The following LRCH3 variants were observed in gnomAD, a reference collection of about 807,000 sequenced individuals.
LRCH3 encodes DISP complex protein LRCH3.
A neutral mutation model predicts 104.5 loss-of-function variants in LRCH3; 68 were observed. The ratio of observed to expected loss-of-function variants is 0.65; its 90% CI spans 0.54 to 0.80. The LOEUF (loss-of-function observed/expected upper bound fraction) is 0.80. Ranked by LOEUF, LRCH3 falls within the 30% of genes least tolerant of loss-of-function variation. LRCH3 has a pLI of 0.00. For synonymous variants in LRCH3, 344 were observed against 361.3 expected (o/e 0.95, Z 0.54); for missense variants, 951 against 953.9 (o/e 1.00, Z 0.04).
chr3:197,842,034 T>C (rs1410043384), intron 10 of LRCH3, among the ~76,000 whole-genome samples: 1 of 152,080 alleles, frequency 6.6e-6, no homozygotes, highest in Admixed American at 6.6e-5. Context: ...GAAATCTCCC[T>C]ATGTTGCCCA....
At chr3:197,799,832 C>T (rs764602889) in intron 1 of LRCH3, among the ~76,000 whole-genome samples, 1 of 151,418 alleles carries the variant, frequency 6.6e-6, no homozygotes, top group African/African-American at 2.4e-5. Flanking sequence ...GAGATCACGT[C>T]ACTGCACTCC....
At chr3:197,826,742 C>T in intron 4 of LRCH3, 136 bp from the exon 5 acceptor site, 1 of 1,094,734 alleles carries the variant, frequency 9.1e-7, no homozygotes, top group Non-Finnish European at 1.3e-6. Context: ...ATTTTTACCA[C>T]TTTGCTACCA....
intron 1 of LRCH3, among the ~76,000 whole-genome samples, chr3:197,803,730 G>A (rs1732151786): frequency 6.6e-6 from 1 of 151,966 alleles, no homozygotes; most frequent in Non-Finnish European, 1.5e-5. Flanking sequence ...TTTCACATCT[G>A]GTTCTATGGC....
Position 197,884,089 on chromosome 3 carries a change from T to C in LRCH3, c.*423T>C, listed in dbSNP as rs1456974405. The C allele has an allele frequency of 6.3e-6, 1 of 158,328 alleles. No homozygotes were observed. The highest frequency in any genetic ancestry group is 1.9e-4 in the East Asian group (1 of 5,398). The allele number at this position is 158,328 out of a possible 1,614,324, so 9.8% of individuals were successfully genotyped here. ...GACTCTCCTGGAGTATTTGTTAAAA[T>C]ACAGATTCACATTCAGTAGAGCTGG... On this transcript the variant is annotated 3_prime_UTR_variant, in exon 21 of 21. Coordinates refer to ENST00000425562, the MANE Select transcript of LRCH3 (RefSeq NM_001365715.1).
At position 197,880,728 on chromosome 3, in the gene LRCH3, C is replaced by G; in HGVS notation, c.2209-2813C>G. 1.3e-6 allele frequency: 2 copies of G among 1,536,606 alleles called. 1 individual carries two copies. The highest frequency in any genetic ancestry group is 2.4e-5 in the South Asian group (2 of 84,054). The stretch of plus-strand genomic sequence containing the variant: ...CCCCGCTCGCTGAAAGATTGCACTC[C>G]GGTGACTTTCTGCCTCATTCCTGTG... On this transcript the variant is annotated intron_variant, in intron 20 of 20. Coordinates refer to ENST00000425562, the MANE Select transcript of LRCH3 (RefSeq NM_001365715.1).
rs374766262 is a variant in LRCH3 at position 197,865,513 on chromosome 3, A to G, written c.1765+42A>G. Reference sequence around the variant, plus strand: ...TGCAATTAACCACATCAAGATTATAATTCTTTATTTTTTTATTTAAAAAAT... The same window carrying G: ...TGCAATTAACCACATCAAGATTATAGTTCTTTATTTTTTTATTTAAAAAAT... On this transcript the variant is annotated intron_variant, in intron 16 of 20. Coordinates refer to ENST00000425562, the MANE Select transcript of LRCH3 (RefSeq NM_001365715.1). 2.8e-5 allele frequency: 35 copies of G among 1,243,166 alleles called. No homozygotes were observed. The African/African-American group carries it at 5.3e-4, about 19-fold the overall frequency. 77.0% of individuals were successfully genotyped at this position (1,243,166 alleles called of 1,614,324 possible).
At chr3:197,812,895 G>T (rs1039854273) in intron 1 of LRCH3, among the ~76,000 whole-genome samples, 2 of 152,112 alleles carry the variant, frequency 1.3e-5, no homozygotes, top group Middle Eastern at 3.2e-3. Flanking sequence ...AAGTGGAATT[G>T]TTGGATTGTA....
At chr3:197,869,256 A>C (rs1295079024) in intron 17 of LRCH3, among the ~76,000 whole-genome samples, 2 of 152,030 alleles carry the variant, frequency 1.3e-5, no homozygotes, top group African/African-American at 4.8e-5. Flanking sequence ...AAAGCGATAC[A>C]CTGTACCTGC....
intron 20 of LRCH3, chr3:197,880,770 T>C: frequency 2.6e-6 from 4 of 1,533,290 alleles, no homozygotes; most frequent in Non-Finnish European, 3.5e-6. Context: ...AAAGGAGGTT[T>C]GTTTCTCATC....
chr3:197,797,689 C>T (rs1366211933), intron 1 of LRCH3, among the ~76,000 whole-genome samples: 1 of 151,766 alleles, frequency 6.6e-6, no homozygotes, highest in African/African-American at 2.4e-5. Flanking sequence ...GGTGAAACCC[C>T]GTCTCTACTA....
rs747167526 is a variant in LRCH3 at position 197,817,221 on chromosome 3, A to G, written c.453A>G (p.Pro151=). 1.7e-5 allele frequency: 27 copies of G among 1,610,230 alleles called. No individual in the cohort carries two copies. Among genetic ancestry groups the G allele is most frequent in the Admixed American group, 3.4e-5 (2 of 59,392 alleles). The part of the protein sequence containing the change: ...STLPVHLCNL[P]LKVLIASNNK... ...TGCCGGTACACTTGTGTAATTTGCC[A>G]TTGAAAGTCTTAATTGCTAGTAATA... The change falls in exon 3 of 21, where the codon CCA becomes CCG. Residue 151 remains proline, a synonymous_variant. Transcript: ENST00000425562.
chr3:197,824,071 C>CT (rs753577276), intron 4 of LRCH3, among the ~76,000 whole-genome samples: 2,567 of 146,368 alleles, frequency 0.018, 56 homozygotes, highest in African/African-American at 0.056. Flanking sequence ...ATGTTTTTTT[C>CT]TTTTTTTTTT....
At chr3:197,845,812 G>A (rs1245020507) in intron 10 of LRCH3, among the ~76,000 whole-genome samples, 1 of 152,192 alleles carries the variant, frequency 6.6e-6, no homozygotes, top group Non-Finnish European at 1.5e-5. Flanking sequence ...GGCTGACGCA[G>A]AAGAATCTCT....
In LRCH3 at chr3:197,871,608, G is replaced by C. The variant is rs528680491; in HGVS notation, c.2130+146G>C. Reference sequence around the variant, plus strand: ...TACCTTCCTGGTCTCACTTCTACTCGAGAAGAAATAGACATGTATACAGCT... The same window carrying C: ...TACCTTCCTGGTCTCACTTCTACTCCAGAAGAAATAGACATGTATACAGCT... On this transcript the variant is annotated intron_variant, in intron 19 of 20. Transcript: ENST00000425562. 2.1e-4 allele frequency: 231 copies of C among 1,078,620 alleles called. 3 individuals carry two copies. The South Asian group carries it at 3.7e-3, about 17-fold the overall frequency. The allele number at this position is 1,078,620 out of a possible 1,614,324, so 66.8% of individuals were successfully genotyped here.
chr3:197,791,293 C>A lies in LRCH3; in HGVS notation c.15C>A (p.Gly5=). 6.2e-7 allele frequency: 1 copy of A among 1,608,762 alleles called. No homozygotes were observed. The highest frequency in any genetic ancestry group is 8.5e-7 in the Non-Finnish European group (1 of 1,178,706). The part of the protein sequence containing the change: MAAA[G]LVAVAAAAEY... ...TCGGCTGGGAAATGGCGGCCGCGGG[C>A]TTGGTCGCTGTGGCAGCGGCTGCCG... The change falls in exon 1 of 21, where the codon GGC becomes GGA. Residue 5 remains glycine (G), a synonymous_variant. Transcript: ENST00000425562.
intron 1 of LRCH3, among the ~76,000 whole-genome samples, chr3:197,808,910 A>AG (rs397830700): frequency 6.7e-6 from 1 of 150,274 alleles, no homozygotes; most frequent in African/African-American, 2.4e-5. Context: ...AGAAAAAAAA[A>AG]GGATGATGTT....
rs1395113477 is a variant in LRCH3 at position 197,887,694 on chromosome 3, G to A, written c.*4028G>A. On this transcript the variant is annotated 3_prime_UTR_variant, in exon 21 of 21. Transcript: ENST00000425562. The stretch of plus-strand genomic sequence containing the variant: ...TCACTGACAGTGTTGGGGGCTGAGA[G>A]CCCCCCAGCAGAGCCCTTCCCATCA... The A allele has an allele frequency of 1.0e-5, 1 of 97,232 alleles. No individual in the cohort carries two copies. Among genetic ancestry groups the A allele is most frequent in the Non-Finnish European group, 2.0e-5 (1 of 50,786 alleles). 6.0% of individuals were successfully genotyped at this position (97,232 alleles called of 1,614,324 possible).
At chr3:197,881,196 G>A (rs545970889) in intron 20 of LRCH3, 76 of 1,005,518 alleles carry the variant, frequency 7.6e-5, no homozygotes, top group Middle Eastern at 5.1e-4. Context: ...GGCCGCACCC[G>A]GTTACTTAGA....
chr3:197,838,232 C>T (rs114148278), intron 9 of LRCH3, among the ~76,000 whole-genome samples: 209 of 152,312 alleles, frequency 1.4e-3, no homozygotes, highest in Admixed American at 3.2e-3. Context: ...CCGGCCTGGG[C>T]CACATAGCGA....
Sources: gnomAD v4.1 joint callset for allele counts (sites outside exome capture counted in the v4.1 genomes callset) on GRCh38, gnomAD v4.1.1 for gene constraint, MANE v1.5 for transcripts, NCBI Gene and HGNC (gene_info 2026-07-23, HGNC 2026-07-21) for gene names.